The following TRIM5 variants were observed in gnomAD, a reference collection of about 807,000 sequenced individuals.
TRIM5 encodes the protein tripartite motif-containing protein 5.
A neutral mutation model predicts 35.6 loss-of-function variants in TRIM5; 31 were observed. The ratio of observed to expected loss-of-function variants is 0.87; its 90% CI spans 0.65 to 1.18. TRIM5 has a LOEUF of 1.18. TRIM5 is among the 50% of genes most tolerant of loss of function. TRIM5 has a pLI of 0.00. For synonymous variants in TRIM5, 243 were observed against 215.6 expected (o/e 1.13, Z -1.11); for missense variants, 609 against 591.6 (o/e 1.03, Z -0.31).
In TRIM5 at chr11:5,664,261, T is replaced by G. The variant is rs1027561656; in HGVS notation, c.*548A>C. 1.5e-4 allele frequency: 148 copies of G among 985,050 alleles called. No individual in the cohort carries two copies. The Middle Eastern group carries it at 1.5e-3, about 10-fold the overall frequency. 61.0% of individuals were successfully genotyped at this position (985,050 alleles called of 1,614,324 possible). On this transcript the variant is annotated 3_prime_UTR_variant, in exon 8 of 8. Transcript: ENST00000380034. ...AAATAAGCACAGCCATTTAAGTATG[T>G]TATTCACAGTTACACTGCTGGTATA...
the TRIM5 span, chr11:5,603,619 A>G: frequency 2.5e-6 from 4 of 1,613,538 alleles, no homozygotes. Context: ...CCATGGAGAA[A>G]AACTGCAGCT....
At chr11:5,680,969 T>A (rs748323835) in intron 1 of TRIM5, among the ~76,000 whole-genome samples, 7 of 152,176 alleles carry the variant, frequency 4.6e-5, no homozygotes, top group Admixed American at 3.3e-4. Context: ...ACAGCATATA[T>A]CCAATTAATA....
the TRIM5 span, among the ~76,000 whole-genome samples, chr11:5,601,277 G>T: frequency 6.6e-6 from 1 of 152,168 alleles, no homozygotes; most frequent in East Asian, 1.9e-4. Context: ...TAGCACCCTG[G>T]AAAGGTTAGG....
At chr11:5,668,027 G>C (rs368750510) in intron 4 of TRIM5, among the ~76,000 whole-genome samples, 8 of 152,292 alleles carry the variant, frequency 5.3e-5, no homozygotes, top group Middle Eastern at 6.8e-3. Context: ...TCCATGAAAT[G>C]ATTTAAATAA....
At chr11:5,645,576 G>T in the TRIM5 span, 1 of 153,334 alleles carries the variant, frequency 6.5e-6, no homozygotes, top group Non-Finnish European at 1.4e-5. Context: ...ATAAAATGAT[G>T]TAAACATTAT....
At chr11:5,667,623 C>T in intron 5 of TRIM5, 66 bp downstream of exon 5, 1 of 1,538,732 alleles carries the variant, frequency 6.5e-7, no homozygotes, top group Non-Finnish European at 8.8e-7. Flanking sequence ...AAACCCAGGA[C>T]AATTCTAATG....
the TRIM5 span, chr11:5,643,463 G>T: frequency 6.2e-7 from 1 of 1,614,194 alleles, no homozygotes; most frequent in South Asian, 1.1e-5. Context: ...ATAAATGTAA[G>T]TATGGTGTCT....
chr11:5,634,959 C>A, the TRIM5 span: 1 of 1,318,148 alleles, frequency 7.6e-7, no homozygotes, highest in Non-Finnish European at 1.0e-6. Flanking sequence ...TTTCTTTGGC[C>A]TTGCAGTGCC....
At chr11:5,636,259 A>G in the TRIM5 span, among the ~76,000 whole-genome samples, 1 of 152,230 alleles carries the variant, frequency 6.6e-6, no homozygotes, top group Non-Finnish European at 1.5e-5. Flanking sequence ...TATAATTGAA[A>G]GAAGGCAAAC....
intron 5 of TRIM5, 148 bp downstream of exon 5, chr11:5,667,541 G>A (rs914936009): frequency 6.1e-5 from 54 of 885,272 alleles, no homozygotes; most frequent in Non-Finnish European, 9.4e-5. Flanking sequence ...TTCGAATGCT[G>A]ATTTATGACC....
At chr11:5,610,041 AAGG>A in the TRIM5 span, 1 of 1,193,456 alleles carries the variant, frequency 8.4e-7, no homozygotes. Flanking sequence ...TGTATTCAGA[AAGG>A]AGGATTGGAA....
At chr11:5,672,829 C>G (rs60678994) in intron 4 of TRIM5, among the ~76,000 whole-genome samples, 2 of 152,162 alleles carry the variant, frequency 1.3e-5, no homozygotes, top group East Asian at 3.9e-4. Flanking sequence ...CTGTATTTTA[C>G]TGGAATTAAG....
At chr11:5,676,031 T>C (rs1183452506) in intron 4 of TRIM5, among the ~76,000 whole-genome samples, 2 of 136,958 alleles carry the variant, frequency 1.5e-5, no homozygotes, top group African/African-American at 5.2e-5. Context: ...GGACATGAAC[T>C]CATCATTTTT....
chr11:5,612,186 C>T, the TRIM5 span: 14 of 152,162 alleles, frequency 9.2e-5, no homozygotes, highest in African/African-American at 3.4e-4. Flanking sequence ...AGAAATTGGC[C>T]TGTATTTTTA....
At chr11:5,646,700 C>T in the TRIM5 span, among the ~76,000 whole-genome samples, 1 of 152,292 alleles carries the variant, frequency 6.6e-6, no homozygotes, top group East Asian at 1.9e-4. Context: ...CACTGATTTC[C>T]TATCATTTCA....
At chr11:5,629,024 C>G in the TRIM5 span, among the ~76,000 whole-genome samples, 2 of 152,148 alleles carry the variant, frequency 1.3e-5, no homozygotes, top group Non-Finnish European at 2.9e-5. Context: ...CACCTGTAAT[C>G]CCAGCACTTT....
chr11:5,631,251 G>A, the TRIM5 span, among the ~76,000 whole-genome samples: 6 of 152,070 alleles, frequency 3.9e-5, no homozygotes, highest in Admixed American at 2.6e-4. Flanking sequence ...CCCAACTTAT[G>A]TGGTTTCCTC....
the TRIM5 span, chr11:5,643,845 T>C: frequency 8.2e-7 from 1 of 1,220,594 alleles, no homozygotes; most frequent in Non-Finnish European, 1.1e-6. Context: ...ATGTATGGTG[T>C]ATTTGGCTTG....
chr11:5,648,772 A>C, the TRIM5 span, among the ~76,000 whole-genome samples: 1 of 152,244 alleles, frequency 6.6e-6, no homozygotes, highest in Non-Finnish European at 1.5e-5. Flanking sequence ...GGAAAAGAAG[A>C]GACCTACAAT....
Sources: allele counts gnomAD v4.1 joint callset (sites outside exome capture counted in the v4.1 genomes callset), GRCh38; gene constraint gnomAD v4.1.1; transcripts MANE v1.5; gene names NCBI Gene and HGNC (gene_info 2026-07-23, HGNC 2026-07-21).